The following DNAH8 variants were observed in gnomAD, a reference collection of about 807,000 sequenced individuals.
DNAH8 encodes the protein dynein axonemal heavy chain 8, also known as axonemal beta dynein heavy chain 8.
In DNAH8, 382 loss-of-function variants were observed where a neutral mutation model predicts 562.1. That is an observed-to-expected ratio of 0.68 (90% CI 0.63 to 0.74). The LOEUF (loss-of-function observed/expected upper bound fraction) is 0.74. Among genes scored for constraint, DNAH8 ranks in the 30% least tolerant of loss-of-function variants. DNAH8 has a pLI of 0.00. For missense variants in DNAH8, 5,203 were observed against 5,620.4 expected (o/e 0.93, Z 2.37); for synonymous variants, 1,881 against 1,919.4 (o/e 0.98, Z 0.52).
At chr6:38,726,253 C>T (rs146746280) in intron 3 of DNAH8, among the ~76,000 whole-genome samples, 14 of 152,166 alleles carry the variant, frequency 9.2e-5, no homozygotes, top group African/African-American at 2.9e-4. Flanking sequence ...ATAGGCATTG[C>T]GGCCTGATCA....
At chr6:38,851,520 A>T (rs1775739786) in intron 38 of DNAH8, 52 bp from the exon 39 acceptor site, 8 of 1,083,310 alleles carry the variant, frequency 7.4e-6, no homozygotes, top group Non-Finnish European at 9.6e-6. Flanking sequence ...AAAAAATAAT[A>T]ATTTAGGGGA....
At chr6:38,998,046 C>T (rs1480073491) in intron 88 of DNAH8, among the ~76,000 whole-genome samples, 3 of 152,210 alleles carry the variant, frequency 2.0e-5, no homozygotes, top group South Asian at 4.1e-4. Context: ...GCATGAGCCA[C>T]GGTGCCCAGC....
chr6:38,901,727 A>T (rs182251116), intron 62 of DNAH8, among the ~76,000 whole-genome samples: 2 of 152,376 alleles, frequency 1.3e-5, no homozygotes, highest in Admixed American at 6.5e-5. Context: ...CACACAAATC[A>T]TTCTGCTGCC....
chr6:38,920,930 G>A lies in DNAH8; in HGVS notation c.10525-439G>A, dbSNP rs149601188. ...TTTTGAGACAGGGTCTCACTCTGTC[G>A]CCCAGGCTGGAGTACAGTGTTGCGA... On this transcript the variant is annotated intron_variant, in intron 70 of 92. Coordinates refer to ENST00000327475, the MANE Select transcript of DNAH8 (RefSeq NM_001206927.2). Among the ~76,000 whole-genome samples the A allele has an allele frequency of 0.012, 1,818 of 151,930 alleles. 127 individuals are homozygous for A. In the East Asian group the frequency reaches 0.18, roughly 15 times the overall value.
chr6:38,774,336 G>A (rs953701181), intron 12 of DNAH8, among the ~76,000 whole-genome samples: 4 of 152,188 alleles, frequency 2.6e-5, no homozygotes, highest in African/African-American at 4.8e-5. Context: ...ATCACAGCAA[G>A]TCGAGAACTG....
chr6:38,779,908 C>T, intron 14 of DNAH8, 58 bp from the exon 15 acceptor site: 1 of 1,467,956 alleles, frequency 6.8e-7, no homozygotes, highest in Non-Finnish European at 9.5e-7. Context: ...AGTATGACAG[C>T]AAGTCTTAAG....
chr6:38,951,274 T>A, intron 81 of DNAH8, 44 bp from the exon 82 acceptor site: 1 of 1,541,870 alleles, frequency 6.5e-7, no homozygotes, highest in Non-Finnish European at 9.0e-7. Context: ...GGATAAAAAT[T>A]GAACACGTTT....
At chr6:38,938,299 G>A in intron 78 of DNAH8, 73 bp downstream of exon 78, 1 of 1,509,760 alleles carries the variant, frequency 6.6e-7, no homozygotes, top group Non-Finnish European at 8.9e-7. Context: ...TTTAGAAATT[G>A]CTTTTTCACT....
At chr6:38,846,041 G>T (rs2150378568) in intron 36 of DNAH8, among the ~76,000 whole-genome samples, 1 of 151,584 alleles carries the variant, frequency 6.6e-6, no homozygotes, top group South Asian at 2.1e-4. Context: ...TCCTCTGAAG[G>T]TCTTGGCTCC....
At chr6:38,757,010 A>T (rs9357281) in intron 10 of DNAH8, among the ~76,000 whole-genome samples, 1 of 152,012 alleles carries the variant, frequency 6.6e-6, no homozygotes, top group Non-Finnish European at 1.5e-5. Flanking sequence ...TAGCAGCATG[A>T]TTTATAATCC....
At chr6:38,939,897 G>GAAC (rs1453576027) in intron 79 of DNAH8, among the ~76,000 whole-genome samples, 3 of 152,294 alleles carry the variant, frequency 2.0e-5, no homozygotes, top group Admixed American at 1.3e-4. Context: ...TGCTGAAATG[G>GAAC]AACAGCATGA....
intron 88 of DNAH8, among the ~76,000 whole-genome samples, chr6:38,993,433 C>G (rs958110782): frequency 7.8e-6 from 1 of 127,688 alleles, no homozygotes; most frequent in Admixed American, 7.7e-5. Flanking sequence ...GTTTGTATTA[C>G]ATTTAAGGGT....
chr6:38,934,965 G>A (rs184522719), intron 76 of DNAH8, among the ~76,000 whole-genome samples: 2 of 152,266 alleles, frequency 1.3e-5, no homozygotes, highest in Admixed American at 6.5e-5. Context: ...CTTTTTGAAT[G>A]CTTGAAATTT....
At chr6:38,842,590 T>C in intron 34 of DNAH8, 73 bp from the exon 35 acceptor site, 1 of 1,579,378 alleles carries the variant, frequency 6.3e-7, no homozygotes, top group Non-Finnish European at 8.6e-7. Context: ...CCTAATATAA[T>C]AGTGTATATA....
chr6:38,978,201 A>T (rs1763799578), intron 85 of DNAH8, among the ~76,000 whole-genome samples: 1 of 152,078 alleles, frequency 6.6e-6, no homozygotes, highest in Admixed American at 6.6e-5. Flanking sequence ...ATTGATTAGG[A>T]TCTCTAAGGG....
intron 21 of DNAH8, among the ~76,000 whole-genome samples, chr6:38,794,995 G>A (rs1770094367): frequency 6.6e-6 from 1 of 152,090 alleles, no homozygotes. Flanking sequence ...CTCTGAACTA[G>A]GAGCCAGACA....
Position 39,022,984 on chromosome 6 carries a change from A to T in DNAH8, c.13715-3562A>T, listed in dbSNP as rs1195369494. 5.3e-5 allele frequency among the ~76,000 whole-genome samples: 8 copies of T among 152,322 alleles called. No homozygotes were observed. In the East Asian group the frequency reaches 9.6e-4, roughly 18 times the overall value. ...GGTTTGAGGGGGAAGAATTTTTTTTAAAGCATCTGATTTAGACCACATGTA... is the reference window on the plus strand; with the variant it reads ...GGTTTGAGGGGGAAGAATTTTTTTTTAAGCATCTGATTTAGACCACATGTA... On this transcript the variant is annotated intron_variant, in intron 91 of 92. Transcript: ENST00000327475.
rs1411471759 is a variant in DNAH8 at position 38,868,169 on chromosome 6, AC to A, written c.6802del (p.Leu2268Ter). ...GTGAATTAAGCATTGTCATGAGAGG[AC>A]TAAGAGATATGAACCTTTCCAAACT... ...DSELSIVMRG[L>X]RDMNLSKLVD... On this transcript the variant is annotated frameshift_variant, in exon 48 of 93. Transcript: ENST00000327475. LOFTEE classifies it high-confidence loss of function. 11 of 1,613,072 alleles carry A rather than the reference AC, an allele frequency of 6.8e-6. No homozygotes were observed. The Admixed American group carries it at 1.8e-4, about 27-fold the overall frequency.
intron 62 of DNAH8, among the ~76,000 whole-genome samples, chr6:38,901,067 T>C (rs1780045508): frequency 6.6e-6 from 1 of 152,160 alleles, no homozygotes; most frequent in African/African-American, 2.4e-5. Flanking sequence ...TTTTTCAATT[T>C]GTTTGCGATT....
Sources: allele counts gnomAD v4.1 joint callset (sites outside exome capture counted in the v4.1 genomes callset), GRCh38; gene constraint gnomAD v4.1.1; transcripts MANE v1.5; gene names NCBI Gene and HGNC (gene_info 2026-07-23, HGNC 2026-07-21).